The following CADPS variants were observed in gnomAD, a reference collection of about 807,000 sequenced individuals.
CADPS encodes calcium-dependent secretion activator 1.
In CADPS, 57 loss-of-function variants were observed where a neutral mutation model predicts 167.3. The ratio of observed to expected loss-of-function variants is 0.34; its 90% CI spans 0.28 to 0.42. The LOEUF is 0.42. Among genes scored for constraint, CADPS ranks in the 20% least tolerant of loss-of-function variants. The pLI is 1.00. For missense variants in CADPS, 1,414 were observed against 1,738.1 expected, an observed-to-expected ratio of 0.81 and a Z score of 3.32; for synonymous variants, 676 against 635.3, an observed-to-expected ratio of 1.06 and a Z score of -0.96.
intron 3 of CADPS, among the ~76,000 whole-genome samples, chr3:62,725,320 G>A (rs1403623146): frequency 6.6e-6 from 1 of 152,218 alleles, no homozygotes; most frequent in Non-Finnish European, 1.5e-5. Context: ...TTTAATTAAA[G>A]TTGGATTAGT....
chr3:62,521,238 T>C (rs748859012), intron 13 of CADPS, among the ~76,000 whole-genome samples: 65 of 152,006 alleles, frequency 4.3e-4, no homozygotes, highest in Admixed American at 7.9e-4. Context: ...AAATATTAGG[T>C]GGGTGGTTCT....
chr3:62,517,836 AT>A (rs1000724947), intron 14 of CADPS, among the ~76,000 whole-genome samples: 3 of 152,244 alleles, frequency 2.0e-5, no homozygotes, highest in African/African-American at 7.2e-5. Context: ...GATTCACAAG[AT>A]TTTTTATTTA....
At chr3:62,738,128 A>C (rs1251718141) in intron 3 of CADPS, among the ~76,000 whole-genome samples, 1 of 152,128 alleles carries the variant, frequency 6.6e-6, no homozygotes, top group Non-Finnish European at 1.5e-5. Context: ...TTAATGGTGC[A>C]TCCAGTCTTA....
chr3:62,662,426 G>A lies in CADPS; in HGVS notation c.889-32C>T, dbSNP rs2073466153. On this transcript the variant is annotated intron_variant, in intron 3 of 29. Transcript: ENST00000383710. ...AAAAGCACAGACATTGAGACTTTTA[G>A]TTTGGGTCACAAGTGCCAATAAACT... 1.9e-6 allele frequency: 3 copies of A among 1,599,318 alleles called. No homozygotes were observed. The East Asian group carries it at 6.7e-5, about 36-fold the overall frequency.
intron 9 of CADPS, among the ~76,000 whole-genome samples, chr3:62,559,855 T>C (rs2078836682): frequency 6.6e-6 from 1 of 152,046 alleles, no homozygotes; most frequent in Admixed American, 6.6e-5. Context: ...AGTTTGTTAA[T>C]GTGATTGGCC....
chr3:62,716,500 T>C (rs1383782383), intron 3 of CADPS, among the ~76,000 whole-genome samples: 1 of 152,232 alleles, frequency 6.6e-6, no homozygotes, highest in Non-Finnish European at 1.5e-5. Context: ...ACTCAGAATG[T>C]TCCATATCAT....
rs2068937253 is a variant in CADPS, at chr3:62,516,164, C to A, written c.2476G>T (p.Val826Phe). The change falls in exon 16 of 30, where the codon GTT (valine) becomes TTT (phenylalanine). Residue 826 changes from valine (V) to phenylalanine (F), a missense_variant. Val to Phe is a conservative substitution (Grantham distance 50). Around this residue, in one of 6 missense-constraint regions of CADPS, gnomAD observed 529 missense variants for 629.6 expected, o/e 0.84. Coordinates refer to ENST00000383710, the MANE Select transcript of CADPS (RefSeq NM_003716.4). ...LLERVLMKDI[V>F]TPVPQEEVKT... ...ACCTCCTCTTGTGGCACTGGGGTAA[C>A]AATATCTTTCATCAAAACCTTCAAG... is the stretch of plus-strand genomic sequence containing the variant. 5.0e-6 allele frequency: 8 copies of A among 1,612,926 alleles called. No homozygotes were observed. Among genetic ancestry groups the A allele is most frequent in the Non-Finnish European group, 5.9e-6 (7 of 1,179,292 alleles).
intron 17 of CADPS, among the ~76,000 whole-genome samples, chr3:62,511,595 T>G (rs1290455957): frequency 6.6e-6 from 1 of 152,194 alleles, no homozygotes; most frequent in African/African-American, 2.4e-5. Flanking sequence ...ATTATTCTCT[T>G]GATGTAGGAT....
intron 17 of CADPS, among the ~76,000 whole-genome samples, chr3:62,508,825 G>A (rs1167612440): frequency 6.6e-6 from 1 of 151,976 alleles, no homozygotes; most frequent in Non-Finnish European, 1.5e-5. Context: ...AGAGACACTG[G>A]TTTCATATTT....
chr3:62,551,096 C>T (rs893317045), intron 10 of CADPS, among the ~76,000 whole-genome samples: 3 of 151,394 alleles, frequency 2.0e-5, no homozygotes, highest in Non-Finnish European at 4.4e-5. Flanking sequence ...ATGGCCTTCA[C>T]ACTTCTCTCT....
chr3:62,530,279 C>T (rs888293705), intron 13 of CADPS, among the ~76,000 whole-genome samples: 2 of 152,088 alleles, frequency 1.3e-5, no homozygotes, highest in Non-Finnish European at 2.9e-5. Flanking sequence ...ATTTTATTTG[C>T]TCCTTAAACA....
At chr3:62,751,697 A>T (rs1282242365) in intron 3 of CADPS, among the ~76,000 whole-genome samples, 31 of 152,318 alleles carry the variant, frequency 2.0e-4, no homozygotes, top group Non-Finnish European at 5.9e-5. Flanking sequence ...CTGAGATTAC[A>T]GGCATGAGCC....
At chr3:62,440,916 A>C (rs2056197770) in intron 27 of CADPS, 1 of 152,168 alleles carries the variant, frequency 6.6e-6, no homozygotes, top group Non-Finnish European at 1.5e-5. Context: ...GGAGTGGGTC[A>C]CTATGCAGCC....
intron 10 of CADPS, among the ~76,000 whole-genome samples, chr3:62,557,031 A>G (rs2078277154): frequency 1.3e-5 from 2 of 150,398 alleles, no homozygotes; most frequent in African/African-American, 2.4e-5. Flanking sequence ...ACACACACAC[A>G]CACACACACA....
At chr3:62,686,994 T>C (rs1007891881) in intron 3 of CADPS, among the ~76,000 whole-genome samples, 3 of 152,120 alleles carry the variant, frequency 2.0e-5, no homozygotes, top group Non-Finnish European at 4.4e-5. Flanking sequence ...ATTGCAATGA[T>C]GGTGACAGCT....
chr3:62,449,660 T>C (rs2057754440), intron 26 of CADPS, among the ~76,000 whole-genome samples: 1 of 151,264 alleles, frequency 6.6e-6, no homozygotes, highest in Non-Finnish European at 1.5e-5. Flanking sequence ...CCAACAGCCC[T>C]TACCATCTAC....
intron 1 of CADPS, among the ~76,000 whole-genome samples, chr3:62,850,910 A>G (rs563295594): frequency 3.3e-5 from 5 of 151,818 alleles, no homozygotes; most frequent in Non-Finnish European, 7.4e-5. Flanking sequence ...TGGGAGTCTA[A>G]GTCTCTTTGG....
intron 6 of CADPS, among the ~76,000 whole-genome samples, chr3:62,619,856 A>G (rs986611384): frequency 6.6e-6 from 1 of 152,074 alleles, no homozygotes; most frequent in Non-Finnish European, 1.5e-5. Flanking sequence ...TCCCCTAGTG[A>G]CTGCTCTTTG....
chr3:62,679,965 A>G (rs1466698227), intron 3 of CADPS, among the ~76,000 whole-genome samples: 1 of 152,028 alleles, frequency 6.6e-6, no homozygotes, highest in East Asian at 1.9e-4. Context: ...TAATTTATAT[A>G]AAGATCCTTC....
Sources: allele counts gnomAD v4.1 joint callset (sites outside exome capture counted in the v4.1 genomes callset), GRCh38; gene constraint gnomAD v4.1.1; regional missense constraint gnomAD v4.1.1; transcripts MANE v1.5; gene names NCBI Gene and HGNC (gene_info 2026-07-23, HGNC 2026-07-21).